CPLX4: variants seen among roughly 807,000 people sequenced by gnomAD.
CPLX4 encodes complexin-4.
A neutral mutation model predicts 16.1 loss-of-function variants in CPLX4; 17 were observed. That is an observed-to-expected ratio of 1.06 (90% CI 0.72 to 1.59). The LOEUF (loss-of-function observed/expected upper bound fraction) is 1.59, where lower values mean the gene tolerates loss of function less well. Among genes scored for constraint, CPLX4 ranks in the 40% most tolerant of loss-of-function variants. The pLI is 0.00. For missense variants in CPLX4, 193 were observed against 192.9 expected (o/e 1.00, Z 0.00); for synonymous variants, 55 against 57.8 (o/e 0.95, Z 0.22).
chr18:59,315,920 G>C (rs1157990197), intron 1 of CPLX4, among the ~76,000 whole-genome samples: 2 of 152,160 alleles, frequency 1.3e-5, no homozygotes, highest in Non-Finnish European at 2.9e-5. Flanking sequence ...ACGCAGAAAA[G>C]CTGGTTGCTC....
chr18:59,312,742 T>TCCA lies in CPLX4; in HGVS notation c.197_198insTGG (p.Lys66delinsAsnGly), dbSNP rs1398183539. 1 of 1,467,838 alleles carries TCCA rather than the reference T, an allele frequency of 6.8e-7. No individual in the cohort carries two copies. 90.9% of individuals were successfully genotyped at this position (1,467,838 alleles called of 1,614,324 possible). A position where few individuals can be genotyped will look rare whatever the true frequency, so the allele number is the denominator to read the frequency against. On this transcript the variant is annotated protein_altering_variant, in exon 2 of 3. Transcript: ENST00000299721. ...CTCTGAGGCATGCCCTTTCTGCCTT[T>TCCA]TTCTGTGTAAATGCAGCATCTCTTT...
intron 1 of CPLX4, among the ~76,000 whole-genome samples, chr18:59,316,303 A>G (rs553200045): frequency 6.6e-6 from 1 of 152,230 alleles, no homozygotes. Context: ...ATAAAAATGA[A>G]TGTGCATTAT....
In CPLX4 at chr18:59,318,578, C is replaced by T; in HGVS notation, c.-116G>A. On this transcript the variant is annotated 5_prime_UTR_variant, in exon 1 of 3. Coordinates refer to ENST00000299721, the MANE Select transcript of CPLX4 (RefSeq NM_181654.4). ...TCAATGACAGCAATACATTTAAGAG[C>T]AAAGGACTTTGCACAACCTCATCTA... 1 of 1,449,072 alleles carries T rather than the reference C, an allele frequency of 6.9e-7. No individual in the cohort carries two copies. Among genetic ancestry groups the T allele is most frequent in the Non-Finnish European group, 9.0e-7 (1 of 1,106,928 alleles). The allele number at this position is 1,449,072 out of a possible 1,614,324, so 89.8% of individuals were successfully genotyped here.
At chr18:59,308,844 C>T (rs1013277072) in intron 2 of CPLX4, among the ~76,000 whole-genome samples, 6 of 152,096 alleles carry the variant, frequency 3.9e-5, no homozygotes, top group Admixed American at 1.3e-4. Context: ...ATCGAAGGGT[C>T]CCTGTACCCA....
At chr18:59,313,936 A>T (rs757747694) in intron 1 of CPLX4, among the ~76,000 whole-genome samples, 31 of 152,220 alleles carry the variant, frequency 2.0e-4, no homozygotes, top group Non-Finnish European at 4.3e-4. Flanking sequence ...TATCTGCTTA[A>T]AACAAATCCC....
chr18:59,303,769 C>T (rs555778838), intron 2 of CPLX4, among the ~76,000 whole-genome samples: 1 of 152,362 alleles, frequency 6.6e-6, no homozygotes, highest in African/African-American at 2.4e-5. Flanking sequence ...TGTCCAGTGA[C>T]TGCTTCCCAT....
At chr18:59,300,980 G>A (rs1164330479) in intron 2 of CPLX4, among the ~76,000 whole-genome samples, 1 of 152,170 alleles carries the variant, frequency 6.6e-6, no homozygotes, top group Middle Eastern at 3.2e-3. Context: ...CCTGACTTTT[G>A]TGGGTGGCAG....
At chr18:59,318,193 G>A (rs919244520) in intron 1 of CPLX4, 103 bp downstream of exon 1, 2 of 1,454,416 alleles carry the variant, frequency 1.4e-6, no homozygotes, top group Non-Finnish European at 1.8e-6. Flanking sequence ...CAAAAGGAAA[G>A]GCATCTTAAA....
At chr18:59,311,006 A>G (rs922272182) in intron 2 of CPLX4, among the ~76,000 whole-genome samples, 1 of 149,544 alleles carries the variant, frequency 6.7e-6, no homozygotes, top group Non-Finnish European at 1.5e-5. Flanking sequence ...TTTCTGCTTC[A>G]TCCCAACAAG....
chr18:59,310,264 A>G (rs1298543218), intron 2 of CPLX4, among the ~76,000 whole-genome samples: 1 of 152,172 alleles, frequency 6.6e-6, no homozygotes, highest in Non-Finnish European at 1.5e-5. Flanking sequence ...TAGCCTATGC[A>G]GGTATAGCCA....
chr18:59,318,381 C>A lies in CPLX4; in HGVS notation c.82G>T (p.Glu28Ter). The A allele has an allele frequency of 7.4e-6, 12 of 1,613,880 alleles. No individual in the cohort carries two copies. The highest frequency in any genetic ancestry group is 1.0e-5 in the Non-Finnish European group (12 of 1,179,852). Residue 28 changes from glutamate (E) to a stop codon, truncating the protein, a stop_gained, in exon 1 of 3, where the codon GAA (glutamate) becomes TAA (stop). Transcript: ENST00000299721. LOFTEE classifies it high-confidence loss of function. The stretch of plus-strand genomic sequence containing the variant: ...GCTGCAGGATCAGATGCACCTCCTT[C>A]TTCTTTATTTTCTTCAGACCCACCA... ...FGGGSEENKE[E>*]GGASDPAAAQ... is the part of the protein sequence containing the mutation.
At chr18:59,309,181 A>C (rs2070598885) in intron 2 of CPLX4, among the ~76,000 whole-genome samples, 2 of 152,240 alleles carry the variant, frequency 1.3e-5, no homozygotes, top group Admixed American at 6.5e-5. Flanking sequence ...TGTGCTTTAC[A>C]AAAAGCAGGC....
chr18:59,296,583 T>C lies in CPLX4; in HGVS notation c.*115A>G. On this transcript the variant is annotated 3_prime_UTR_variant, in exon 3 of 3. Coordinates refer to ENST00000299721, the MANE Select transcript of CPLX4 (RefSeq NM_181654.4). ...CAAATTATTGTCTGTCAATGGATCA[T>C]CGTGGTTTTCCTAACTGTGTTCACT... The C allele has an allele frequency of 1.9e-6, 2 of 1,065,366 alleles. No individual in the cohort carries two copies. Among genetic ancestry groups the C allele is most frequent in the Non-Finnish European group, 2.8e-6 (2 of 725,060 alleles). The allele number at this position is 1,065,366 out of a possible 1,614,324, so 66.0% of individuals were successfully genotyped here.
At chr18:59,306,552 C>T (rs1311623488) in intron 2 of CPLX4, among the ~76,000 whole-genome samples, 2 of 152,198 alleles carry the variant, frequency 1.3e-5, no homozygotes, top group African/African-American at 4.8e-5. Context: ...TATTGTTTAT[C>T]TAGAGGGCTA....
intron 1 of CPLX4, among the ~76,000 whole-genome samples, chr18:59,314,225 G>A (rs1190049592): frequency 2.0e-5 from 3 of 152,010 alleles, no homozygotes; most frequent in Non-Finnish European, 2.9e-5. Context: ...AGCGACCTGC[G>A]GCATGGACAA....
chr18:59,303,154 G>A (rs970991795), intron 2 of CPLX4, among the ~76,000 whole-genome samples: 16 of 152,138 alleles, frequency 1.1e-4, no homozygotes, highest in Non-Finnish European at 2.2e-4. Context: ...CCCTGGGCTG[G>A]GGCATGCTGG....
At chr18:59,312,874 C>A in intron 1 of CPLX4, 102 bp from the exon 2 acceptor site, 1 of 600,578 alleles carries the variant, frequency 1.7e-6, no homozygotes, top group South Asian at 2.4e-5. Context: ...TCTGAGATGC[C>A]ACTGCTGGCA....
chr18:59,309,538 A>G (rs1265400401), intron 2 of CPLX4, among the ~76,000 whole-genome samples: 1 of 152,178 alleles, frequency 6.6e-6, no homozygotes, highest in East Asian at 1.9e-4. Flanking sequence ...TAAGAGTAGA[A>G]AGAGGCCGGG....
chr18:59,316,466 T>C (rs1354101277), intron 1 of CPLX4, among the ~76,000 whole-genome samples: 1 of 152,230 alleles, frequency 6.6e-6, no homozygotes, highest in Non-Finnish European at 1.5e-5. Flanking sequence ...CTCTCTGCGT[T>C]TATCTTGTGA....
Sources: gnomAD v4.1 joint callset for allele counts (sites outside exome capture counted in the v4.1 genomes callset) on GRCh38, gnomAD v4.1.1 for gene constraint, MANE v1.5 for transcripts, NCBI Gene and HGNC (gene_info 2026-07-23, HGNC 2026-07-21) for gene names.